Variants in FRMD4A observed in about 807,000 individuals in gnomAD.
FRMD4A encodes FERM domain containing 4A.
A neutral mutation model predicts 129.1 loss-of-function variants in FRMD4A; 29 were observed. The ratio of observed to expected loss-of-function variants is 0.22; its 90% CI spans 0.17 to 0.31. FRMD4A has a LOEUF of 0.31. Ranked by LOEUF, FRMD4A falls within the 10% of genes least tolerant of loss-of-function variation. The probability of loss-of-function intolerance (pLI) is 1.00; values close to 1 mark genes in which losing one functional copy is unlikely to be tolerated. For missense variants in FRMD4A, 1,272 were observed against 1,375.8 expected (o/e 0.92, Z 1.19); for synonymous variants, 634 against 571.6 (o/e 1.11, Z -1.56).
intron 12 of FRMD4A, chr10:13,727,940 C>G (rs1318578757): frequency 6.6e-6 from 1 of 152,160 alleles, no homozygotes; most frequent in Admixed American, 6.5e-5. Flanking sequence ...AATTTGACTG[C>G]CTTTCCTGCT....
intron 2 of FRMD4A, among the ~76,000 whole-genome samples, chr10:13,932,677 A>G (rs1412527196): frequency 6.6e-6 from 1 of 152,232 alleles, no homozygotes; most frequent in Non-Finnish European, 1.5e-5. Context: ...AAGTTATAAT[A>G]GTAACAACAC....
chr10:13,984,833 G>A (rs1452672558), intron 2 of FRMD4A, among the ~76,000 whole-genome samples: 1 of 152,196 alleles, frequency 6.6e-6, no homozygotes, highest in African/African-American at 2.4e-5. Context: ...CTAAGAGTGT[G>A]TAAATATCTC....
At chr10:14,016,298 A>G (rs2095698910) in intron 2 of FRMD4A, among the ~76,000 whole-genome samples, 1 of 152,252 alleles carries the variant, frequency 6.6e-6, no homozygotes, top group South Asian at 2.1e-4. Context: ...CATAGCGAGC[A>G]TCAGTCATAG....
intron 8 of FRMD4A, among the ~76,000 whole-genome samples, chr10:13,756,553 C>T (rs1253377802): frequency 1.3e-5 from 2 of 152,058 alleles, no homozygotes; most frequent in African/African-American, 4.8e-5. Context: ...TTAGTGGAGA[C>T]GGGGTTTTGT....
chr10:14,192,230 T>C (rs529023466), intron 2 of FRMD4A, among the ~76,000 whole-genome samples: 3 of 152,348 alleles, frequency 2.0e-5, no homozygotes, highest in African/African-American at 7.2e-5. Flanking sequence ...TCCACTTTTT[T>C]CTTTGTAAGA....
chr10:13,911,737 A>C (rs2094942965), intron 2 of FRMD4A, among the ~76,000 whole-genome samples: 1 of 151,842 alleles, frequency 6.6e-6, no homozygotes. Flanking sequence ...AATTTTTTGT[A>C]TTTTAGTAGG....
intron 2 of FRMD4A, among the ~76,000 whole-genome samples, chr10:13,966,245 A>T (rs750935300): frequency 6.6e-6 from 1 of 151,692 alleles, no homozygotes; most frequent in African/African-American, 2.4e-5. Flanking sequence ...CTGGTCTCGA[A>T]CTCCTGACCT....
intron 3 of FRMD4A, among the ~76,000 whole-genome samples, chr10:13,848,706 C>T (rs2094095349): frequency 1.3e-5 from 2 of 152,208 alleles, no homozygotes; most frequent in South Asian, 4.2e-4. Context: ...AGCCCTCTCT[C>T]ACAGCCTCTT....
chr10:13,690,092 G>A (rs1321598763), intron 15 of FRMD4A, among the ~76,000 whole-genome samples: 2 of 152,178 alleles, frequency 1.3e-5, no homozygotes, highest in Admixed American at 6.5e-5. Flanking sequence ...TGGACACTGG[G>A]TTATACATAT....
At chr10:13,747,527 C>A (rs369603243) in intron 9 of FRMD4A, among the ~76,000 whole-genome samples, 189 of 144,468 alleles carry the variant, frequency 1.3e-3, no homozygotes, top group African/African-American at 1.2e-3. Context: ...AGATCCGTCT[C>A]AAAAAAAAAA....
At chr10:13,740,470 CACAA>C in intron 10 of FRMD4A, 38 bp downstream of exon 10, 3 of 1,170,320 alleles carry the variant, frequency 2.6e-6, no homozygotes, top group Non-Finnish European at 3.8e-6. Flanking sequence ...TATTAACACA[CACAA>C]ACACTGTCCC....
chr10:14,266,870 A>G (rs1488850610), intron 2 of FRMD4A, among the ~76,000 whole-genome samples: 1 of 152,220 alleles, frequency 6.6e-6, no homozygotes, highest in Non-Finnish European at 1.5e-5. Context: ...TACATAGAGT[A>G]GTCAATATAT....
chr10:14,185,567 G>A (rs570948321), intron 2 of FRMD4A, among the ~76,000 whole-genome samples: 30 of 152,232 alleles, frequency 2.0e-4, no homozygotes, highest in South Asian at 8.3e-4. Flanking sequence ...CTATTTAAAG[G>A]TTCAATCTCG....
intron 2 of FRMD4A, among the ~76,000 whole-genome samples, chr10:13,937,605 A>T (rs554922116): frequency 6.6e-6 from 1 of 152,178 alleles, no homozygotes; most frequent in Non-Finnish European, 1.5e-5. Flanking sequence ...AGTGATGTTC[A>T]TTATCCTTCG....
rs956098348 is a variant in FRMD4A at position 13,950,283 on chromosome 10, G to A, written c.46-91371C>T. On this transcript the variant is annotated intron_variant, in intron 2 of 24. Coordinates refer to ENST00000357447, the MANE Select transcript of FRMD4A (RefSeq NM_018027.5). ...GACTACATTTGACTGATGTTTCAGT[G>A]TGATGTTATTTCTGGCATCATCTTG... Among the ~76,000 whole-genome samples the A allele has an allele frequency of 2.0e-5, 3 of 152,260 alleles. No individual in the cohort carries two copies. In the South Asian group the frequency reaches 6.2e-4, roughly 31 times the overall value.
At chr10:13,749,175 T>C (rs1054205120) in intron 8 of FRMD4A, among the ~76,000 whole-genome samples, 1 of 152,174 alleles carries the variant, frequency 6.6e-6, no homozygotes, top group African/African-American at 2.4e-5. Flanking sequence ...CAAAGAGCCT[T>C]GGAAGCCTTA....
intron 2 of FRMD4A, among the ~76,000 whole-genome samples, chr10:13,902,839 C>CAAAAAAA (rs113445035): frequency 1.0e-5 from 1 of 97,152 alleles, no homozygotes; most frequent in African/African-American, 3.4e-5. Flanking sequence ...GATGCAGTCT[C>CAAAAAAA]AAAAAAAAAA....
At chr10:13,978,646 T>C (rs564671082) in intron 2 of FRMD4A, among the ~76,000 whole-genome samples, 1 of 152,214 alleles carries the variant, frequency 6.6e-6, no homozygotes, top group African/African-American at 2.4e-5. Flanking sequence ...CATATTTGGG[T>C]CTGGAAAACG....
intron 13 of FRMD4A, among the ~76,000 whole-genome samples, chr10:13,704,600 G>A (rs1271130726): frequency 1.3e-5 from 2 of 152,152 alleles, no homozygotes; most frequent in Non-Finnish European, 2.9e-5. Context: ...GGCCTCTGGT[G>A]ACCCTGTCCT....
Sources: gnomAD v4.1 joint callset for allele counts (sites outside exome capture counted in the v4.1 genomes callset) on GRCh38, gnomAD v4.1.1 for gene constraint, MANE v1.5 for transcripts, NCBI Gene and HGNC (gene_info 2026-07-23, HGNC 2026-07-21) for gene names.